The following RGS17 variants were observed in gnomAD, a reference collection of about 807,000 sequenced individuals.
RGS17 encodes regulator of G protein signaling 17.
A neutral mutation model predicts 25.5 loss-of-function variants in RGS17; 12 were observed. The ratio of observed to expected loss-of-function variants is 0.47; its 90% CI spans 0.30 to 0.76. The LOEUF (loss-of-function observed/expected upper bound fraction) is 0.76, where lower values mean the gene tolerates loss of function less well. Among genes scored for constraint, RGS17 ranks in the 30% least tolerant of loss-of-function variants. The probability of loss-of-function intolerance (pLI) is 0.07; values close to 1 mark genes in which losing one functional copy is unlikely to be tolerated. For synonymous variants in RGS17, 71 were observed against 76.9 expected (o/e 0.92, Z 0.40); for missense variants, 196 against 242.2 (o/e 0.81, Z 1.27).
At chr6:153,033,738 T>A (rs1776187890) in intron 2 of RGS17, among the ~76,000 whole-genome samples, 1 of 151,650 alleles carries the variant, frequency 6.6e-6, no homozygotes, top group South Asian at 2.1e-4. Context: ...AATAAATAAA[T>A]AAAAATAAAA....
At chr6:153,078,934 GA>G (rs146854737) in intron 1 of RGS17, among the ~76,000 whole-genome samples, 79,052 of 150,208 alleles carry the variant, frequency 0.53, 21,050 homozygotes, top group Non-Finnish European at 0.57. Flanking sequence ...TAGTAGTTAA[GA>G]AAAAAAAAAT....
In RGS17 at chr6:153,112,675, A is replaced by C. The variant is rs1584163712; in HGVS notation, c.-26+18449T>G. Among the ~76,000 whole-genome samples, 5 of 152,314 alleles carry C rather than the reference A, an allele frequency of 3.3e-5. No homozygotes were observed. In the South Asian group the frequency reaches 1.0e-3, roughly 32 times the overall value. On this transcript the variant is annotated intron_variant, in intron 1 of 4. Transcript: ENST00000206262. ...AAAATGTTAAGGGCAGCCAGAGAAAAAGGTCGGGTTACCCACAAAGGGAAG... is the reference window on the plus strand; with the variant it reads ...AAAATGTTAAGGGCAGCCAGAGAAACAGGTCGGGTTACCCACAAAGGGAAG...
chr6:153,019,921 G>A (rs1489894690), intron 4 of RGS17, among the ~76,000 whole-genome samples: 1 of 151,358 alleles, frequency 6.6e-6, no homozygotes, highest in Non-Finnish European at 1.5e-5. Flanking sequence ...CTACTATTAG[G>A]CTTAAAGGCC....
intron 1 of RGS17, among the ~76,000 whole-genome samples, chr6:153,075,401 T>TA (rs1776863170): frequency 6.6e-6 from 1 of 152,222 alleles, no homozygotes; most frequent in Admixed American, 6.5e-5. Flanking sequence ...CAAGAGATAC[T>TA]GGCTTCTGTG....
intron 1 of RGS17, among the ~76,000 whole-genome samples, chr6:153,086,432 T>C (rs1028023349): frequency 3.3e-5 from 5 of 152,226 alleles, no homozygotes; most frequent in Non-Finnish European, 5.9e-5. Context: ...GAAAAGAAAC[T>C]GTGAACGATC....
At chr6:153,094,150 A>C (rs1198487876) in intron 1 of RGS17, among the ~76,000 whole-genome samples, 1 of 151,088 alleles carries the variant, frequency 6.6e-6, no homozygotes, top group Non-Finnish European at 1.5e-5. Context: ...ATCTTGGCTC[A>C]CTGCAATCTC....
At chr6:153,105,137 GA>G (rs1271493670) in intron 1 of RGS17, among the ~76,000 whole-genome samples, 1 of 151,636 alleles carries the variant, frequency 6.6e-6, no homozygotes, top group African/African-American at 2.4e-5. Flanking sequence ...AGAACTAAAT[GA>G]TGACCTTAGG....
rs80170141 is a variant in RGS17 at position 153,110,425 on chromosome 6, T to C, written c.-26+20699A>G. ...TTTGATGGACTCTTTACTGCCAACA[T>C]ACACACACACACACACACACACACA... On this transcript the variant is annotated intron_variant, in intron 1 of 4. Transcript: ENST00000206262. 1.5e-4 allele frequency among the ~76,000 whole-genome samples: 22 copies of C among 144,924 alleles called. 1 individual carries two copies. The highest frequency in any genetic ancestry group is 2.1e-4 in the East Asian group (1 of 4,828).
chr6:153,010,094 G>C lies in RGS17; in HGVS notation c.*1480C>G, dbSNP rs1779115141. The C allele has an allele frequency of 6.6e-6, 1 of 151,286 alleles. No individual in the cohort carries two copies. The highest frequency in any genetic ancestry group is 1.5e-5 in the Non-Finnish European group (1 of 67,690). The allele number at this position is 151,286 out of a possible 1,614,324, so 9.4% of individuals were successfully genotyped here. A position where few individuals can be genotyped will look rare whatever the true frequency, so the allele number is the denominator to read the frequency against. On this transcript the variant is annotated 3_prime_UTR_variant, in exon 5 of 5. Coordinates refer to ENST00000206262, the MANE Select transcript of RGS17 (RefSeq NM_012419.5). ...AACTGTAATATCATCCTTAATATAA[G>C]GCCAGTGTTCTCAGTGGATATAAAT... is the stretch of plus-strand genomic sequence containing the variant.
intron 1 of RGS17, among the ~76,000 whole-genome samples, chr6:153,128,703 A>T (rs894044038): frequency 1.3e-5 from 2 of 152,020 alleles, no homozygotes; most frequent in Admixed American, 6.6e-5. Context: ...AGGAAGGTTT[A>T]TTATTATTAT....
chr6:153,050,006 T>C (rs892846859), intron 1 of RGS17, among the ~76,000 whole-genome samples: 3 of 152,182 alleles, frequency 2.0e-5, no homozygotes, highest in African/African-American at 7.2e-5. Flanking sequence ...CAGGCATTTA[T>C]GCAGTCCTGG....
At chr6:153,029,017 T>G (rs117318683) in intron 2 of RGS17, among the ~76,000 whole-genome samples, 172 of 152,368 alleles carry the variant, frequency 1.1e-3, no homozygotes, top group Non-Finnish European at 2.0e-3. Context: ...TATCTGTTTC[T>G]GTGATATTTA....
At chr6:153,018,190 G>A (rs1401120138) in intron 4 of RGS17, among the ~76,000 whole-genome samples, 2 of 151,906 alleles carry the variant, frequency 1.3e-5, no homozygotes, top group East Asian at 1.9e-4. Flanking sequence ...TGTGGTTAAG[G>A]TTGCTATTTC....
rs182894620 is a variant in RGS17, at chr6:153,075,540, C to T, written c.-25-31497G>A. 2.6e-5 allele frequency among the ~76,000 whole-genome samples: 4 copies of T among 152,250 alleles called. No homozygotes were observed. In the East Asian group the frequency reaches 7.7e-4, roughly 29 times the overall value. On this transcript the variant is annotated intron_variant, in intron 1 of 4. Transcript: ENST00000206262. ...CCTAGTGGGCTGTCACTGGCACGGA[C>T]TGCTGCATGGAACAATAGAGAGAAA...
chr6:153,066,885 C>T (rs373581415), intron 1 of RGS17, among the ~76,000 whole-genome samples: 1 of 151,992 alleles, frequency 6.6e-6, no homozygotes, highest in East Asian at 1.9e-4. Context: ...ACTAAAAATA[C>T]AAAAATTAGC....
intron 1 of RGS17, among the ~76,000 whole-genome samples, chr6:153,105,063 TG>T (rs1777359471): frequency 6.6e-6 from 1 of 152,040 alleles, no homozygotes; most frequent in African/African-American, 2.4e-5. Context: ...ACCAAAGGCA[TG>T]GGGGTGGACA....
intron 1 of RGS17, among the ~76,000 whole-genome samples, chr6:153,118,482 G>A (rs79970836): frequency 0.021 from 3,185 of 152,170 alleles, 116 homozygotes; most frequent in African/African-American, 0.071. Flanking sequence ...GTTTTCCTTC[G>A]TTAACCAATG....
intron 1 of RGS17, among the ~76,000 whole-genome samples, chr6:153,087,569 AC>A (rs1369121104): frequency 6.6e-6 from 1 of 152,210 alleles, no homozygotes; most frequent in Non-Finnish European, 1.5e-5. Flanking sequence ...AGAACTTTCA[AC>A]ATTTGCCCAG....
rs539690345 is a variant in RGS17 at position 153,076,117 on chromosome 6, T to C, written c.-25-32074A>G. 5.3e-4 allele frequency among the ~76,000 whole-genome samples: 80 copies of C among 152,276 alleles called. 1 individual carries two copies. Among genetic ancestry groups the C allele is most frequent in the African/African-American group, 1.8e-3 (76 of 41,562 alleles). On this transcript the variant is annotated intron_variant, in intron 1 of 4. Transcript: ENST00000206262. ...CTTAATATATGCTAAATTGTTAATATAACTATACATGGAAGAATCCATTTA... is the reference window on the plus strand; with the variant it reads ...CTTAATATATGCTAAATTGTTAATACAACTATACATGGAAGAATCCATTTA...
Sources: gnomAD v4.1 joint callset for allele counts (sites outside exome capture counted in the v4.1 genomes callset) on GRCh38, gnomAD v4.1.1 for gene constraint, MANE v1.5 for transcripts, NCBI Gene and HGNC (gene_info 2026-07-23, HGNC 2026-07-21) for gene names.